The following CLMN variants were observed in gnomAD, a reference collection of about 807,000 sequenced individuals.
The protein encoded by CLMN is calmin.
In CLMN, 57 loss-of-function variants were observed where a neutral mutation model predicts 92.7. The ratio of observed to expected loss-of-function variants is 0.61; its 90% CI spans 0.50 to 0.77. The LOEUF (loss-of-function observed/expected upper bound fraction) is 0.77, where lower values mean the gene tolerates loss of function less well. CLMN is among the 30% of genes least tolerant of loss of function. The pLI is 0.00. For synonymous variants in CLMN, 466 were observed against 470.6 expected (o/e 0.99, Z 0.13); for missense variants, 1,158 against 1,237.5 (o/e 0.94, Z 0.96).
At chr14:95,292,553 G>A (rs1231058188) in intron 1 of CLMN, among the ~76,000 whole-genome samples, 1 of 151,246 alleles carries the variant, frequency 6.6e-6, no homozygotes, top group Non-Finnish European at 1.5e-5. Context: ...CTTCCTCTAA[G>A]AAATGTCCTT....
rs1566864535 is a variant in CLMN at position 95,204,189 on chromosome 14, A to G, written c.1160T>C (p.Val387Ala). The G allele has an allele frequency of 1.2e-6, 2 of 1,614,046 alleles. No homozygotes were observed. Among genetic ancestry groups the G allele is most frequent in the Non-Finnish European group, 1.7e-6 (2 of 1,180,000 alleles). The change falls in exon 9 of 13, where the codon GTC becomes GCC. Residue 387 changes from valine to alanine, a missense_variant. Transcript: ENST00000298912. The stretch of plus-strand genomic sequence containing the variant: ...GGTCTTACCTGGGCCCCCTTGCAGG[A>G]CCTGGTCAATAATCTGGTGCATGAA... Reference protein sequence around the residue: ...TEFMHQIIDQVLQGGPGKTSD... With the variant: ...TEFMHQIIDQALQGGPGKTSD...
chr14:95,197,461 T>C (rs1279294581), intron 9 of CLMN, among the ~76,000 whole-genome samples: 3 of 152,118 alleles, frequency 2.0e-5, no homozygotes, highest in Admixed American at 6.6e-5. Flanking sequence ...TGAGCAGTGG[T>C]TGAATCCTTC....
intron 1 of CLMN, among the ~76,000 whole-genome samples, chr14:95,267,675 T>C (rs1466676597): frequency 6.6e-6 from 1 of 152,154 alleles, no homozygotes; most frequent in Non-Finnish European, 1.5e-5. Flanking sequence ...ACTGGGTAAA[T>C]ATCCAAAACA....
chr14:95,209,228 A>C (rs1480024520), intron 8 of CLMN, among the ~76,000 whole-genome samples, 167 bp downstream of exon 8: 1 of 152,212 alleles, frequency 6.6e-6, no homozygotes, highest in Admixed American at 6.5e-5. Context: ...GACAACTATC[A>C]TTCTGAAATT....
intron 1 of CLMN, among the ~76,000 whole-genome samples, chr14:95,241,878 G>A (rs1027395199): frequency 2.0e-5 from 3 of 152,042 alleles, no homozygotes; most frequent in South Asian, 2.1e-4. Context: ...GCACACTCTC[G>A]CCGTAATGTC....
chr14:95,223,851 T>C lies in CLMN; in HGVS notation c.149A>G (p.Asn50Ser), dbSNP rs758679603. The C allele has an allele frequency of 6.2e-7, 1 of 1,610,542 alleles. No homozygotes were observed. The highest frequency in any genetic ancestry group is 1.7e-4 in the Middle Eastern group (1 of 6,042). Residue 50 changes from asparagine to serine, a missense_variant, in exon 3 of 13, where the codon AAC becomes AGC. Asn to Ser is a conservative substitution (Grantham distance 46). Coordinates refer to ENST00000298912, the MANE Select transcript of CLMN (RefSeq NM_024734.4). ...RWINLHLEKC[N>S]PPLEVKDLFV... is the part of the protein sequence containing the mutation. ...TAAATCTTTAACTTCTAGAGGTGGG[T>C]TGCACTTTGAAAGAGAAGGGAAGAA...
chr14:95,304,632 T>C (rs1254241613), intron 1 of CLMN, among the ~76,000 whole-genome samples: 2 of 151,910 alleles, frequency 1.3e-5, no homozygotes, highest in East Asian at 1.9e-4. Context: ...AAGATCTCAA[T>C]GCAAATTGTA....
chr14:95,306,170 C>T (rs1350258882), intron 1 of CLMN, among the ~76,000 whole-genome samples: 3 of 152,098 alleles, frequency 2.0e-5, no homozygotes, highest in Non-Finnish European at 4.4e-5. Context: ...GTGTGGAGGA[C>T]AGCACAAGTT....
intron 6 of CLMN, among the ~76,000 whole-genome samples, chr14:95,211,644 G>A (rs1380976380): frequency 6.9e-5 from 9 of 131,108 alleles, no homozygotes; most frequent in Non-Finnish European, 1.1e-4. Context: ...GTCAATAAAC[G>A]CTCTTAAAAA....
intron 1 of CLMN, among the ~76,000 whole-genome samples, chr14:95,257,349 T>A (rs898241390): frequency 6.6e-6 from 1 of 152,238 alleles, no homozygotes; most frequent in Admixed American, 6.5e-5. Flanking sequence ...ATTTACATCA[T>A]TCTGTTGGAG....
intron 5 of CLMN, among the ~76,000 whole-genome samples, chr14:95,215,358 G>C (rs1387832742): frequency 2.0e-5 from 3 of 152,190 alleles, no homozygotes; most frequent in Non-Finnish European, 4.4e-5. Context: ...CCCGGTTCTT[G>C]TGACACTTTA....
In CLMN at chr14:95,275,036, T is replaced by C. The variant is rs116605661; in HGVS notation, c.82+44675A>G. 5.7e-3 allele frequency among the ~76,000 whole-genome samples: 857 copies of C among 150,776 alleles called. 4 individuals carry two copies. Among genetic ancestry groups the C allele is most frequent in the African/African-American group, 0.02 (821 of 41,000 alleles). ...TCAACAAATATTTACTGACCCTTACTGTAGGCCAGATAGTGGTCTAGCCCT... is the reference window on the plus strand; with the variant it reads ...TCAACAAATATTTACTGACCCTTACCGTAGGCCAGATAGTGGTCTAGCCCT... On this transcript the variant is annotated intron_variant, in intron 1 of 12. Transcript: ENST00000298912.
At chr14:95,248,404 C>G (rs1898655667) in intron 1 of CLMN, among the ~76,000 whole-genome samples, 1 of 152,128 alleles carries the variant, frequency 6.6e-6, no homozygotes, top group Non-Finnish European at 1.5e-5. Flanking sequence ...CTGTGCTAAC[C>G]AAGGCACAGA....
intron 4 of CLMN, among the ~76,000 whole-genome samples, chr14:95,217,123 C>T (rs113801442): frequency 0.01 from 1,564 of 152,262 alleles, 26 homozygotes; most frequent in African/African-American, 0.035. Flanking sequence ...TTCTTAACAA[C>T]GCTTAATAAA....
intron 1 of CLMN, among the ~76,000 whole-genome samples, chr14:95,303,074 T>C (rs1250796699): frequency 1.3e-5 from 2 of 152,164 alleles, no homozygotes; most frequent in Non-Finnish European, 2.9e-5. Context: ...ATGTAGAAGA[T>C]CAAGTAAAGT....
chr14:95,202,933 C>T lies in CLMN; in HGVS notation c.2416G>A (p.Gly806Ser), dbSNP rs1196066988. 7 of 1,612,342 alleles carry T rather than the reference C, an allele frequency of 4.3e-6. No homozygotes were observed. The South Asian group carries it at 5.5e-5, about 13-fold the overall frequency. Reference protein sequence around the residue: ...QVLYLSRGGVGTTPASEPAPL... With the variant: ...QVLYLSRGGVSTTPASEPAPL... ...GCGGGTTCTGAGGCTGGTGTGGTAC[C>T]CACACCACCCCTGCTGAGATACAGC... Residue 806 changes from glycine (G) to serine (S), a missense_variant, in exon 9 of 13, where the codon GGT (glycine) becomes AGT (serine). Gly to Ser is a moderately conservative substitution (Grantham distance 56). Transcript: ENST00000298912.
chr14:95,247,113 A>AGCTCT (rs112099863), intron 1 of CLMN, among the ~76,000 whole-genome samples: 35,033 of 151,908 alleles, frequency 0.23, 5,221 homozygotes, highest in African/African-American at 0.42. Context: ...TGTGGGACCC[A>AGCTCT]GCAGTGTGCC....
At chr14:95,278,046 A>G (rs569075524) in intron 1 of CLMN, among the ~76,000 whole-genome samples, 57 of 152,280 alleles carry the variant, frequency 3.7e-4, no homozygotes, top group Non-Finnish European at 5.6e-4. Context: ...TCCGTGAACA[A>G]CTTCTGACTT....
In CLMN at chr14:95,183,829, C is replaced by T. The variant is rs1001463310; in HGVS notation, c.*7735G>A. ...CCCAGTTCTGCTACTTACTAGTTCA[C>T]GCTATGACCTTATTTTTCTGTCCTG... On this transcript the variant is annotated 3_prime_UTR_variant, in exon 13 of 13. Transcript: ENST00000298912. 1 of 152,300 alleles carries T rather than the reference C, an allele frequency of 6.6e-6. No homozygotes were observed. Among genetic ancestry groups the T allele is most frequent in the Non-Finnish European group, 1.5e-5 (1 of 68,018 alleles). The allele number at this position is 152,300 out of a possible 1,614,324, so 9.4% of individuals were successfully genotyped here.
Sources: allele counts gnomAD v4.1 joint callset (sites outside exome capture counted in the v4.1 genomes callset), GRCh38; gene constraint gnomAD v4.1.1; transcripts MANE v1.5; gene names NCBI Gene and HGNC (gene_info 2026-07-23, HGNC 2026-07-21).